Variants in SFRP2 observed in about 807,000 individuals in gnomAD.
SFRP2 encodes the protein secreted frizzled related protein 2.
A neutral mutation model predicts 26.0 loss-of-function variants in SFRP2; 16 were observed. The observed-to-expected ratio is 0.61, with a 90% CI of 0.42 to 0.93. The LOEUF is 0.93. SFRP2 is among the 40% of genes least tolerant of loss of function. SFRP2 has a pLI of 0.00. For missense variants in SFRP2, 343 were observed against 392.4 expected, an observed-to-expected ratio of 0.87 and a Z score of 1.06; for synonymous variants, 173 against 167.3, an observed-to-expected ratio of 1.03 and a Z score of -0.26.
intron 2 of SFRP2, among the ~76,000 whole-genome samples, chr4:153,784,688 C>T (rs1274723640): frequency 1.3e-5 from 2 of 152,218 alleles, no homozygotes; most frequent in Non-Finnish European, 2.9e-5. Flanking sequence ...TGATTTCCCT[C>T]AGTCTCGAGG....
intron 1 of SFRP2, among the ~76,000 whole-genome samples, chr4:153,787,735 A>G (rs909988707): frequency 6.6e-6 from 1 of 152,252 alleles, no homozygotes; most frequent in Non-Finnish European, 1.5e-5. Context: ...ACCAATGTTC[A>G]ATTTTCCACA....
At chr4:153,785,764 A>G in intron 2 of SFRP2, 100 bp downstream of exon 2, 1 of 753,566 alleles carries the variant, frequency 1.3e-6, no homozygotes, top group Non-Finnish European at 2.1e-6. Context: ...TGTTTTACCC[A>G]ACCTTTATCT....
rs1267994943 is a variant in SFRP2 at position 153,780,923 on chromosome 4, T to C, written c.*528A>G. The C allele has an allele frequency of 6.5e-6, 1 of 153,698 alleles. No homozygotes were observed. The highest frequency in any genetic ancestry group is 1.5e-5 in the Non-Finnish European group (1 of 68,742). The allele number at this position is 153,698 out of a possible 1,614,324, so 9.5% of individuals were successfully genotyped here. On this transcript the variant is annotated 3_prime_UTR_variant, in exon 3 of 3. Coordinates refer to ENST00000274063, the MANE Select transcript of SFRP2 (RefSeq NM_003013.3). ...TTAAGTTCCCATTGAAGGTATAAAA[T>C]GATGAATTGTTGTAAGACTTAGACA...
In SFRP2 at chr4:153,781,676, A is replaced by C; in HGVS notation, c.663T>G (p.Ile221Met). The change falls in exon 3 of 3, where the codon ATT (isoleucine) becomes ATG (methionine). Residue 221 changes from isoleucine (I) to methionine (M), a missense_variant. This residue lies in a region of SFRP2 where 92 missense variants were observed against 139.0 expected (regional missense o/e 0.66). Coordinates refer to ENST00000274063, the MANE Select transcript of SFRP2 (RefSeq NM_003013.3). ...TTTCGGACACACCGTTCAGCTTGTA[A>C]ATGGTCTTGCTCTTGGTCTCCAGGA... ...KIILETKSKT[I>M]YKLNGVSERD... The C allele has an allele frequency of 1.9e-6, 3 of 1,613,980 alleles. No individual in the cohort carries two copies. Among genetic ancestry groups the C allele is most frequent in the Non-Finnish European group, 2.5e-6 (3 of 1,179,972 alleles).
At chr4:153,785,831 T>C (rs1354699488) in intron 2 of SFRP2, 33 bp downstream of exon 2, 16 of 1,365,220 alleles carry the variant, frequency 1.2e-5, no homozygotes, top group Non-Finnish European at 1.4e-5. Flanking sequence ...AACTTCTGAA[T>C]GTGAAATCTG....
rs376506469 is a variant in SFRP2, at chr4:153,785,903, C to G, written c.544G>C (p.Asp182His). The change falls in exon 2 of 3, where the codon GAC becomes CAC. Residue 182 changes from aspartate (D) to histidine (H), a missense_variant. Asp to His is a moderately conservative substitution (Grantham distance 81). Around this residue, in one of 2 missense-constraint regions of SFRP2, gnomAD observed 251 missense variants for 253.3 expected, o/e 0.99. Coordinates refer to ENST00000274063, the MANE Select transcript of SFRP2 (RefSeq NM_003013.3). ...CAAAGCGTTTCCATTATGTCGTTGTCATCATCATTTTTATTTTTGCAGGCT... is the reference window on the plus strand; with the variant it reads ...CAAAGCGTTTCCATTATGTCGTTGTGATCATCATTTTTATTTTTGCAGGCT... ...CEACKNKNDD[D>H]NDIMETLCKN... 4 of 1,603,882 alleles carry G rather than the reference C, an allele frequency of 2.5e-6. No homozygotes were observed. Among genetic ancestry groups the G allele is most frequent in the Non-Finnish European group, 2.6e-6 (3 of 1,175,604 alleles).
At position 153,788,769 on chromosome 4, in the gene SFRP2, G is replaced by T. The variant is rs747851787; in HGVS notation, c.67C>A (p.Arg23Ser). 1.9e-6 allele frequency: 3 copies of T among 1,611,042 alleles called. No homozygotes were observed. In the Admixed American group the frequency reaches 5.0e-5, roughly 27 times the overall value. The change falls in exon 1 of 3, where the codon CGC becomes AGC. Residue 23 changes from arginine to serine, a missense_variant. Around this residue, in one of 2 missense-constraint regions of SFRP2, gnomAD observed 251 missense variants for 253.3 expected, o/e 0.99. Transcript: ENST00000274063. ...LASHCCLGSA[R>S]GLFLFGQPDF... ...GGCTGGCCAAAGAGGAAGAGCCCGC[G>T]CGCCGAGCCCAGGCAGCAGTGCGAG...
At position 153,781,450 on chromosome 4, in the gene SFRP2, A is replaced by ACTAGCACTGCAGCTTG; in HGVS notation, c.873_888dup. On this transcript the variant is annotated 3_prime_UTR_variant, in exon 3 of 3. Transcript: ENST00000274063. The stretch of plus-strand genomic sequence containing the variant: ...CTGTCGGAGCCATCAGGATGCCGGG[A>ACTAGCACTGCAGCTTG]CTAGCACTGCAGCTTGCGGATGCTG... The ACTAGCACTGCAGCTTG allele has an allele frequency of 6.2e-7, 1 of 1,610,860 alleles. No individual in the cohort carries two copies. The highest frequency in any genetic ancestry group is 1.1e-5 in the South Asian group (1 of 91,044).
At chr4:153,785,505 A>G (rs1741187889) in intron 2 of SFRP2, among the ~76,000 whole-genome samples, 1 of 138,122 alleles carries the variant, frequency 7.2e-6, no homozygotes, top group South Asian at 2.4e-4. Context: ...TCCCTGGTGC[A>G]CATGTTAAGT....
intron 2 of SFRP2, among the ~76,000 whole-genome samples, chr4:153,784,397 G>C (rs1741168050): frequency 6.6e-6 from 1 of 152,166 alleles, no homozygotes; most frequent in Non-Finnish European, 1.5e-5. Context: ...TTGAAAACAG[G>C]CATATGAAAC....
intron 1 of SFRP2, among the ~76,000 whole-genome samples, chr4:153,786,783 A>G (rs534946610): frequency 6.6e-6 from 1 of 152,164 alleles, no homozygotes; most frequent in African/African-American, 2.4e-5. Flanking sequence ...GATCAAACTT[A>G]GGGATTGTAT....
At chr4:153,785,101 T>C (rs1741180618) in intron 2 of SFRP2, among the ~76,000 whole-genome samples, 1 of 152,188 alleles carries the variant, frequency 6.6e-6, no homozygotes, top group Admixed American at 6.5e-5. Flanking sequence ...TGTTTTTTAT[T>C]GTCCCCAAAC....
At chr4:153,788,184 G>C in intron 1 of SFRP2, 150 bp downstream of exon 1, 3 of 927,390 alleles carry the variant, frequency 3.2e-6, no homozygotes, top group Non-Finnish European at 4.8e-6. Context: ...ATACAGGCTT[G>C]TTGTGATGAC....
rs749773062 is a variant in SFRP2 at position 153,785,947 on chromosome 4, A to G, written c.503-3T>C. ...GCAGGCTTCACATACCTTTGGAGCT[A>G]GAAATGTGAAAAACAGTCTTTAGTA... On this transcript the variant is annotated splice_polypyrimidine_tract_variant and splice_region_variant and intron_variant, in intron 1 of 2. Transcript: ENST00000274063. 6.9e-6 allele frequency: 11 copies of G among 1,585,040 alleles called. No individual in the cohort carries two copies. In the African/African-American group the frequency reaches 9.5e-5, roughly 14 times the overall value.
Position 153,788,929 on chromosome 4 carries a change from C to G in SFRP2, c.-94G>C. On this transcript the variant is annotated 5_prime_UTR_variant, in exon 1 of 3. Transcript: ENST00000274063. ...GCTTGTCCCGGGCCCGCTCTCTTCG[C>G]TGGGTGCGACTCGGGGCCCCGAAAA... The G allele has an allele frequency of 7.2e-7, 1 of 1,384,158 alleles. No individual in the cohort carries two copies. The highest frequency in any genetic ancestry group is 9.4e-7 in the Non-Finnish European group (1 of 1,061,404). 85.7% of individuals were successfully genotyped at this position (1,384,158 alleles called of 1,614,324 possible). A position where few individuals can be genotyped will look rare whatever the true frequency, so the allele number is the denominator to read the frequency against.
intron 2 of SFRP2, among the ~76,000 whole-genome samples, chr4:153,782,027 TCTC>T (rs1303539508): frequency 2.0e-5 from 3 of 152,304 alleles, no homozygotes; most frequent in South Asian, 4.1e-4. Context: ...TAACTTTTCT[TCTC>T]CTTTCCTCAC....
intron 2 of SFRP2, among the ~76,000 whole-genome samples, chr4:153,783,671 C>T (rs1188526582): frequency 6.6e-6 from 1 of 152,210 alleles, no homozygotes; most frequent in Non-Finnish European, 1.5e-5. Flanking sequence ...CACTGAATTT[C>T]CCTTGTACTT....
At chr4:153,786,641 T>C (rs769686631) in intron 1 of SFRP2, among the ~76,000 whole-genome samples, 2 of 152,224 alleles carry the variant, frequency 1.3e-5, no homozygotes, top group Non-Finnish European at 2.9e-5. Context: ...ATTCATTTCA[T>C]TGTTATCTGC....
chr4:153,785,149 T>C (rs186887390), intron 2 of SFRP2, among the ~76,000 whole-genome samples: 7 of 152,336 alleles, frequency 4.6e-5, no homozygotes, highest in Admixed American at 3.9e-4. Context: ...AAAGTAAATT[T>C]CTAAGCTTTT....
Sources: allele counts gnomAD v4.1 joint callset (sites outside exome capture counted in the v4.1 genomes callset), GRCh38; gene constraint gnomAD v4.1.1; regional missense constraint gnomAD v4.1.1; transcripts MANE v1.5; gene names NCBI Gene and HGNC (gene_info 2026-07-23, HGNC 2026-07-21).